Variants in KCNIP1 observed in about 807,000 individuals in gnomAD.
KCNIP1 encodes potassium voltage-gated channel interacting protein 1, also known as A-type potassium channel modulatory protein KCNIP1.
Under a neutral mutation model 33.0 loss-of-function variants are expected in KCNIP1, and 18 were observed. The ratio of observed to expected loss-of-function variants is 0.55; its 90% CI spans 0.38 to 0.81. KCNIP1 has a LOEUF of 0.81. Ranked by LOEUF, KCNIP1 falls within the 30% of genes least tolerant of loss-of-function variation. The pLI is 0.00. For synonymous variants in KCNIP1, 93 were observed against 98.3 expected, an observed-to-expected ratio of 0.95 and a Z score of 0.32; for missense variants, 238 against 271.6, an observed-to-expected ratio of 0.88 and a Z score of 0.87.
chr5:170,569,084 C>T (rs1757304702), intron 1 of KCNIP1, among the ~76,000 whole-genome samples: 1 of 152,200 alleles, frequency 6.6e-6, no homozygotes, highest in South Asian at 2.1e-4. Context: ...AAGTGGGAAG[C>T]TCCAAGTGCT....
intron 1 of KCNIP1, chr5:170,712,879 T>C (rs1347710384): frequency 1.9e-6 from 3 of 1,613,690 alleles, no homozygotes; most frequent in African/African-American, 2.7e-5. Flanking sequence ...ATTACCAGTA[T>C]CAGAGAGGTA....
chr5:170,498,640 C>T (rs1757354997), intron 1 of KCNIP1, among the ~76,000 whole-genome samples: 1 of 152,156 alleles, frequency 6.6e-6, no homozygotes, highest in African/African-American at 2.4e-5. Flanking sequence ...ATTATTGATC[C>T]ATATATTTAG....
At chr5:170,635,204 A>G (rs1760233489) in intron 1 of KCNIP1, among the ~76,000 whole-genome samples, 1 of 152,004 alleles carries the variant, frequency 6.6e-6, no homozygotes. Context: ...TAATTTTTGT[A>G]TTTTTAGTAG....
chr5:170,649,268 G>A (rs1760937360), intron 1 of KCNIP1, among the ~76,000 whole-genome samples: 1 of 152,082 alleles, frequency 6.6e-6, no homozygotes, highest in Non-Finnish European at 1.5e-5. Flanking sequence ...GCTCTCAGTG[G>A]TTGAATGAAT....
chr5:170,372,445 C>A (rs1763870306), intron 1 of KCNIP1, among the ~76,000 whole-genome samples: 1 of 152,116 alleles, frequency 6.6e-6, no homozygotes, highest in African/African-American at 2.4e-5. Flanking sequence ...TTAAACTCAA[C>A]CTCCAGCCCC....
intron 1 of KCNIP1, among the ~76,000 whole-genome samples, chr5:170,704,845 G>T (rs1459388434): frequency 1.3e-5 from 2 of 152,164 alleles, no homozygotes; most frequent in Non-Finnish European, 2.9e-5. Flanking sequence ...GTAGGTGGGG[G>T]GATGCCTTCA....
At chr5:170,590,677 C>T (rs539527301) in intron 1 of KCNIP1, among the ~76,000 whole-genome samples, 36 of 152,196 alleles carry the variant, frequency 2.4e-4, no homozygotes, top group Non-Finnish European at 4.7e-4. Context: ...GGGACTGTCT[C>T]CATTTCAAAC....
chr5:170,677,378 G>A (rs1762182907), intron 1 of KCNIP1, among the ~76,000 whole-genome samples: 1 of 152,168 alleles, frequency 6.6e-6, no homozygotes, highest in African/African-American at 2.4e-5. Context: ...ACTGTGCTGA[G>A]CAGTTTATGG....
chr5:170,487,280 A>G (rs1005622952), intron 1 of KCNIP1, among the ~76,000 whole-genome samples: 62 of 152,158 alleles, frequency 4.1e-4, no homozygotes, highest in African/African-American at 1.5e-3. Flanking sequence ...TATGGAGAGT[A>G]ATCCACTTTC....
At chr5:170,681,323 T>TC (rs926010762) in intron 1 of KCNIP1, 3 of 386,914 alleles carry the variant, frequency 7.8e-6, no homozygotes, top group Admixed American at 4.5e-5. Context: ...GTGGTATTGG[T>TC]CCCCGCCTCC....
intron 1 of KCNIP1, among the ~76,000 whole-genome samples, chr5:170,470,903 C>G (rs1384602359): frequency 6.6e-6 from 1 of 152,192 alleles, no homozygotes; most frequent in Non-Finnish European, 1.5e-5. Flanking sequence ...TCAGCTTCCC[C>G]TTATCCAAGG....
At chr5:170,583,801 C>G (rs1281792548) in intron 1 of KCNIP1, among the ~76,000 whole-genome samples, 1 of 152,112 alleles carries the variant, frequency 6.6e-6, no homozygotes, top group African/African-American at 2.4e-5. Context: ...ATCTCTGTCC[C>G]CCAGTAGCTC....
intron 1 of KCNIP1, among the ~76,000 whole-genome samples, chr5:170,704,602 G>A (rs1306044207): frequency 2.0e-5 from 3 of 152,162 alleles, no homozygotes; most frequent in African/African-American, 7.2e-5. Flanking sequence ...TGTCTTGAAG[G>A]TTCCTCAGCA....
chr5:170,550,539 A>G (rs60131751), intron 1 of KCNIP1, among the ~76,000 whole-genome samples: 33,102 of 130,978 alleles, frequency 0.25, 5,624 homozygotes, highest in African/African-American at 0.52. Context: ...TGATGGTGAT[A>G]ATGATGATGG....
intron 1 of KCNIP1, among the ~76,000 whole-genome samples, chr5:170,712,414 A>G (rs1009610557): frequency 1.3e-5 from 2 of 152,214 alleles, no homozygotes; most frequent in Admixed American, 6.5e-5. Flanking sequence ...GAGTGAGCAA[A>G]CAAATAATCC....
intron 6 of KCNIP1, 148 bp from the exon 7 acceptor site, chr5:170,733,688 A>C (rs1463674421): frequency 1.6e-6 from 1 of 633,632 alleles, no homozygotes; most frequent in African/African-American, 1.8e-5. Context: ...AGTGAAAGAC[A>C]ACTCTCATTC....
chr5:170,633,733 C>T (rs1347282351), intron 1 of KCNIP1, among the ~76,000 whole-genome samples: 2 of 3,178 alleles, frequency 6.3e-4, no homozygotes, highest in Admixed American at 3.6e-3. Flanking sequence ...GAGGGGGGGA[C>T]GGAGGGGGGG....
At chr5:170,474,749 C>T (rs1756813627) in intron 1 of KCNIP1, among the ~76,000 whole-genome samples, 1 of 152,130 alleles carries the variant, frequency 6.6e-6, no homozygotes, top group Non-Finnish European at 1.5e-5. Flanking sequence ...GTGTTGTGTC[C>T]GTGGGTCTGT....
At chr5:170,444,356 A>C (rs868555796) in intron 1 of KCNIP1, among the ~76,000 whole-genome samples, 4 of 152,104 alleles carry the variant, frequency 2.6e-5, no homozygotes, top group African/African-American at 7.2e-5. Context: ...AGTCTTTCTC[A>C]GGCTGCTACC....
Sources: allele counts gnomAD v4.1 joint callset (sites outside exome capture counted in the v4.1 genomes callset), GRCh38; gene constraint gnomAD v4.1.1; transcripts MANE v1.5; gene names NCBI Gene and HGNC (gene_info 2026-07-23, HGNC 2026-07-21).